GLCCI1: variants seen among roughly 807,000 people sequenced by gnomAD.
GLCCI1 encodes glucocorticoid-induced transcript 1 protein.
A neutral mutation model predicts 52.2 loss-of-function variants in GLCCI1; 24 were observed. The ratio of observed to expected loss-of-function variants is 0.46; its 90% CI spans 0.33 to 0.65. The LOEUF (loss-of-function observed/expected upper bound fraction) is 0.65. Ranked by LOEUF, GLCCI1 falls within the 30% of genes least tolerant of loss-of-function variation. The pLI is 0.02. For missense variants in GLCCI1, 704 were observed against 701.5 expected, an observed-to-expected ratio of 1.00 and a Z score of -0.04; for synonymous variants, 310 against 276.5, an observed-to-expected ratio of 1.12 and a Z score of -1.20.
chr7:7,998,176 GTTTT>G (rs71014742), intron 1 of GLCCI1, among the ~76,000 whole-genome samples: 4,361 of 143,716 alleles, frequency 0.03, 214 homozygotes, highest in African/African-American at 0.096. Context: ...AGTTTTTTTT[GTTTT>G]TTTTTTTTTT....
intron 3 of GLCCI1, among the ~76,000 whole-genome samples, chr7:8,040,851 A>G (rs7801924): frequency 0.61 from 92,807 of 151,966 alleles, 28,520 homozygotes; most frequent in African/African-American, 0.68. Flanking sequence ...TTGCTTCATC[A>G]ACTATCATTT....
chr7:8,028,741 C>A (rs1335429376), intron 3 of GLCCI1, among the ~76,000 whole-genome samples: 1 of 151,644 alleles, frequency 6.6e-6, no homozygotes, highest in Non-Finnish European at 1.5e-5. Flanking sequence ...AAAAAGAATA[C>A]CCAAATAAAT....
At chr7:8,062,417 G>A (rs1347104142) in intron 5 of GLCCI1, among the ~76,000 whole-genome samples, 1 of 152,130 alleles carries the variant, frequency 6.6e-6, no homozygotes, top group Non-Finnish European at 1.5e-5. Flanking sequence ...AATAGTTATT[G>A]CTGTGAAGTT....
intron 1 of GLCCI1, among the ~76,000 whole-genome samples, chr7:7,972,323 ATGTGTGTGTG>A (rs140431128): frequency 6.7e-6 from 1 of 149,690 alleles, no homozygotes; most frequent in Middle Eastern, 3.3e-3. Flanking sequence ...ACTTCAGTGT[ATGTGTGTGTG>A]TGTGTGTGTG....
At chr7:8,034,501 G>T (rs1291257669) in intron 3 of GLCCI1, among the ~76,000 whole-genome samples, 1 of 152,030 alleles carries the variant, frequency 6.6e-6, no homozygotes, top group Admixed American at 6.6e-5. Flanking sequence ...AATATATAAA[G>T]AATTCTTACA....
intron 3 of GLCCI1, among the ~76,000 whole-genome samples, chr7:8,037,246 C>A (rs73050964): frequency 0.013 from 1,988 of 152,256 alleles, 24 homozygotes; most frequent in South Asian, 0.04. Context: ...TTTCAGACTT[C>A]TTAAAAGAAA....
chr7:8,081,024 T>C (rs1214757468), intron 6 of GLCCI1, among the ~76,000 whole-genome samples: 1 of 152,104 alleles, frequency 6.6e-6, no homozygotes, highest in Non-Finnish European at 1.5e-5. Flanking sequence ...ATGTCAGTGG[T>C]ATTTTCTATT....
intron 6 of GLCCI1, among the ~76,000 whole-genome samples, chr7:8,079,690 TG>T (rs1430125324): frequency 6.6e-6 from 1 of 151,532 alleles, no homozygotes; most frequent in East Asian, 1.9e-4. Flanking sequence ...TGGCTTAATT[TG>T]TAAGTTGGCA....
At chr7:8,044,756 T>G (rs981501612) in intron 3 of GLCCI1, among the ~76,000 whole-genome samples, 1 of 152,206 alleles carries the variant, frequency 6.6e-6, no homozygotes, top group South Asian at 2.1e-4. Context: ...GTAAAAGCAC[T>G]TGTATATAAT....
chr7:8,016,788 C>G (rs1292540702), intron 2 of GLCCI1, among the ~76,000 whole-genome samples: 2 of 152,170 alleles, frequency 1.3e-5, no homozygotes, highest in Non-Finnish European at 2.9e-5. Context: ...ATAACAGACA[C>G]TGATACTTAT....
intron 6 of GLCCI1, among the ~76,000 whole-genome samples, chr7:8,083,632 G>C (rs1562454758): frequency 6.7e-6 from 1 of 149,824 alleles, no homozygotes. Context: ...AGGCTCTTTG[G>C]TGCCTACTCT....
At chr7:8,018,329 G>GT (rs1781418574) in intron 2 of GLCCI1, among the ~76,000 whole-genome samples, 1 of 152,036 alleles carries the variant, frequency 6.6e-6, no homozygotes, top group Non-Finnish European at 1.5e-5. Flanking sequence ...GACAAAGCAT[G>GT]TTTTTTGCTA....
At position 8,004,003 on chromosome 7, in the gene GLCCI1, T is replaced by G; in HGVS notation, c.553T>G (p.Trp185Gly). Reference protein sequence around the residue: ...TITGPYLTGQWPRDPHVHYPS... With the variant: ...TITGPYLTGQGPRDPHVHYPS... The stretch of plus-strand genomic sequence containing the variant: ...AACAGGACCTTACCTCACAGGACAG[T>G]GGCCACGGGATCCTCATGTTCACTA... The change falls in exon 2 of 8, where the codon TGG becomes GGG. Residue 185 changes from tryptophan to glycine, a missense_variant. Coordinates refer to ENST00000223145, the MANE Select transcript of GLCCI1 (RefSeq NM_138426.4). 1 of 1,613,902 alleles carries G rather than the reference T, an allele frequency of 6.2e-7. No homozygotes were observed. Among genetic ancestry groups the G allele is most frequent in the Non-Finnish European group, 8.5e-7 (1 of 1,179,864 alleles).
At chr7:8,004,520 T>C (rs1174708719) in intron 2 of GLCCI1, among the ~76,000 whole-genome samples, 1 of 152,250 alleles carries the variant, frequency 6.6e-6, no homozygotes, top group African/African-American at 2.4e-5. Context: ...CTGTCTCATT[T>C]TCCCTGTTTT....
intron 3 of GLCCI1, among the ~76,000 whole-genome samples, chr7:8,032,631 A>T (rs1327950529): frequency 6.6e-6 from 1 of 152,060 alleles, no homozygotes; most frequent in Non-Finnish European, 1.5e-5. Flanking sequence ...CCATCAACGT[A>T]GAAAACTGAG....
chr7:8,065,868 C>A (rs1324081749), intron 5 of GLCCI1, among the ~76,000 whole-genome samples: 2 of 152,030 alleles, frequency 1.3e-5, no homozygotes, highest in African/African-American at 4.8e-5. Flanking sequence ...TTGTTGTCAT[C>A]GTCATGTCTC....
intron 1 of GLCCI1, among the ~76,000 whole-genome samples, chr7:8,003,208 T>C (rs1781080385): frequency 6.6e-6 from 1 of 152,144 alleles, no homozygotes; most frequent in Non-Finnish European, 1.5e-5. Flanking sequence ...AAGTATATCT[T>C]AGAAGGAAGG....
chr7:8,072,680 G>A (rs1357693638), intron 6 of GLCCI1, among the ~76,000 whole-genome samples: 3 of 152,154 alleles, frequency 2.0e-5, no homozygotes, highest in African/African-American at 7.2e-5. Context: ...GGAGAAACCA[G>A]TCTGTCTTCA....
intron 1 of GLCCI1, among the ~76,000 whole-genome samples, chr7:7,979,275 G>C (rs1215741483): frequency 6.6e-6 from 1 of 151,814 alleles, no homozygotes; most frequent in Admixed American, 6.6e-5. Context: ...CTCTTAGTTT[G>C]TAAAAAAAAC....
Sources: allele counts gnomAD v4.1 joint callset (sites outside exome capture counted in the v4.1 genomes callset), GRCh38; gene constraint gnomAD v4.1.1; transcripts MANE v1.5; gene names NCBI Gene and HGNC (gene_info 2026-07-23, HGNC 2026-07-21).